The following GPC6 variants were observed in gnomAD, a reference collection of about 807,000 sequenced individuals.
GPC6 encodes the protein glypican-6.
In GPC6, 14 loss-of-function variants were observed where a neutral mutation model predicts 55.2. The ratio of observed to expected loss-of-function variants is 0.25; its 90% CI spans 0.17 to 0.40. The LOEUF is 0.40. Among genes scored for constraint, GPC6 ranks in the 10% least tolerant of loss-of-function variants. The pLI is 1.00. For synonymous variants in GPC6, 278 were observed against 259.6 expected (o/e 1.07, Z -0.68); for missense variants, 641 against 708.5 (o/e 0.90, Z 1.08).
intron 2 of GPC6, among the ~76,000 whole-genome samples, chr13:93,827,017 T>C (rs2138975142): frequency 6.6e-6 from 1 of 152,342 alleles, no homozygotes; most frequent in Non-Finnish European, 1.5e-5. Context: ...GAAAGGTTTT[T>C]TGTGCACCTA....
chr13:93,218,081 T>G, the GPC6 span, among the ~76,000 whole-genome samples: 1 of 150,298 alleles, frequency 6.7e-6, no homozygotes, highest in Admixed American at 6.6e-5. Flanking sequence ...AACAGATCAT[T>G]AGTACATGGA....
chr13:93,835,245 A>G (rs1002575030), intron 3 of GPC6, among the ~76,000 whole-genome samples: 1 of 151,318 alleles, frequency 6.6e-6, no homozygotes, highest in African/African-American at 2.4e-5. Flanking sequence ...CTTGAGCTCA[A>G]GAGTTCAAGA....
chr13:93,561,426 T>TATATATATATATATATATA (rs61094312), intron 2 of GPC6, among the ~76,000 whole-genome samples: 43 of 143,404 alleles, frequency 3.0e-4, no homozygotes, highest in South Asian at 8.5e-4. Flanking sequence ...TATATATATA[T>TATATATATATATATATATA]TTGTTGCAGT....
At chr13:94,382,908 G>A (rs1040636140) in intron 7 of GPC6, among the ~76,000 whole-genome samples, 1 of 152,104 alleles carries the variant, frequency 6.6e-6, no homozygotes, top group East Asian at 1.9e-4. Flanking sequence ...AATTTCCAGG[G>A]CTCTTTTTTT....
chr13:93,415,612 T>C (rs1876669346), intron 1 of GPC6, among the ~76,000 whole-genome samples: 1 of 152,146 alleles, frequency 6.6e-6, no homozygotes, highest in Non-Finnish European at 1.5e-5. Context: ...CAGACTGCCT[T>C]CGAGAATACC....
chr13:93,953,543 C>CT (rs1879361572), intron 3 of GPC6, among the ~76,000 whole-genome samples: 1 of 152,158 alleles, frequency 6.6e-6, no homozygotes, highest in African/African-American at 2.4e-5. Flanking sequence ...ATTCTAGCAA[C>CT]TTTCTTTTTA....
rs1269059627 is a variant in GPC6 at position 94,403,848 on chromosome 13, T to C, written c.*631T>C. 6.3e-6 allele frequency: 1 copy of C among 158,844 alleles called. No homozygotes were observed. The highest frequency in any genetic ancestry group is 1.4e-5 in the Non-Finnish European group (1 of 71,770). The allele number at this position is 158,844 out of a possible 1,614,324, so 9.8% of individuals were successfully genotyped here. A position where few individuals can be genotyped will look rare whatever the true frequency, so the allele number is the denominator to read the frequency against. The stretch of plus-strand genomic sequence containing the variant: ...AAACAACACCAAATTAATCTGGAGG[T>C]ACTGATACTAAATTTGGAATCCCGT... On this transcript the variant is annotated 3_prime_UTR_variant, in exon 9 of 9. Transcript: ENST00000377047.
intron 3 of GPC6, among the ~76,000 whole-genome samples, chr13:93,952,924 T>C (rs1879335142): frequency 6.7e-6 from 1 of 149,748 alleles, no homozygotes; most frequent in Non-Finnish European, 1.5e-5. Flanking sequence ...TATATACACG[T>C]ATATATATAG....
At chr13:93,438,730 A>G (rs1219100489) in intron 1 of GPC6, among the ~76,000 whole-genome samples, 2 of 152,212 alleles carry the variant, frequency 1.3e-5, no homozygotes, top group African/African-American at 4.8e-5. Flanking sequence ...AAGATATACA[A>G]TATTACATAA....
rs1249964498 is a variant in GPC6 at position 93,683,665 on chromosome 13, C to T, written c.319+138244C>T. Among the ~76,000 whole-genome samples the T allele has an allele frequency of 2.0e-5, 3 of 152,228 alleles. No individual in the cohort carries two copies. In the East Asian group the frequency reaches 5.8e-4, roughly 29 times the overall value. The stretch of plus-strand genomic sequence containing the variant: ...TTTACATATATGTGTGTTTTATTTA[C>T]TCAGTTAAGCTGTATGCTCCTTTCA... On this transcript the variant is annotated intron_variant, in intron 2 of 8. Coordinates refer to ENST00000377047, the MANE Select transcript of GPC6 (RefSeq NM_005708.5).
intron 2 of GPC6, among the ~76,000 whole-genome samples, chr13:93,740,636 C>A (rs1884168790): frequency 6.6e-6 from 1 of 152,188 alleles, no homozygotes; most frequent in South Asian, 2.1e-4. Flanking sequence ...GAGATAAAAT[C>A]TCCTGATCAT....
chr13:94,072,652 G>A (rs1488144419), intron 4 of GPC6, among the ~76,000 whole-genome samples: 2 of 152,110 alleles, frequency 1.3e-5, no homozygotes, highest in African/African-American at 4.8e-5. Context: ...ACACCCGGCC[G>A]CCCCTTGTAT....
rs537896717 is a variant in GPC6 at position 94,034,419 on chromosome 13, G to A, written c.877+6525G>A. On this transcript the variant is annotated intron_variant, in intron 4 of 8. Transcript: ENST00000377047. ...TTAAGGTTGGTGGCATAATGTGTGG[G>A]TATTCAGCAGATATAGAGACAGGCA... Among the ~76,000 whole-genome samples, 23 of 152,236 alleles carry A rather than the reference G, an allele frequency of 1.5e-4. No individual in the cohort carries two copies. The South Asian group carries it at 3.9e-3, about 26-fold the overall frequency.
intron 4 of GPC6, among the ~76,000 whole-genome samples, chr13:94,264,226 A>G (rs1265482192): frequency 6.6e-6 from 1 of 152,192 alleles, no homozygotes; most frequent in African/African-American, 2.4e-5. Flanking sequence ...ATTGCATTCT[A>G]TGTTTGGCTA....
At chr13:94,222,047 G>T (rs540899574) in intron 4 of GPC6, among the ~76,000 whole-genome samples, 1 of 151,278 alleles carries the variant, frequency 6.6e-6, no homozygotes, top group Non-Finnish European at 1.5e-5. Flanking sequence ...TTTTCTGCCC[G>T]ATTCTAGTGG....
At chr13:93,382,890 G>A (rs182508624) in intron 1 of GPC6, among the ~76,000 whole-genome samples, 1 of 151,928 alleles carries the variant, frequency 6.6e-6, no homozygotes. Context: ...TTGTCCTTTG[G>A]CGGTTTCTCT....
chr13:93,812,003 G>A (rs1321465573), intron 2 of GPC6, among the ~76,000 whole-genome samples: 1 of 152,084 alleles, frequency 6.6e-6, no homozygotes, highest in Non-Finnish European at 1.5e-5. Context: ...TGATTACTGA[G>A]AAGGGAAAGC....
At chr13:93,887,240 A>C (rs1875394969) in intron 3 of GPC6, among the ~76,000 whole-genome samples, 1 of 152,124 alleles carries the variant, frequency 6.6e-6, no homozygotes, top group Non-Finnish European at 1.5e-5. Context: ...AAATGAGAAG[A>C]GGAGACTACC....
At chr13:94,343,581 T>C (rs1405876285) in intron 6 of GPC6, among the ~76,000 whole-genome samples, 1 of 151,958 alleles carries the variant, frequency 6.6e-6, no homozygotes, top group East Asian at 1.9e-4. Flanking sequence ...ATAGGGAAAA[T>C]AGAAAATTAA....
Sources: gnomAD v4.1 joint callset for allele counts (sites outside exome capture counted in the v4.1 genomes callset) on GRCh38, gnomAD v4.1.1 for gene constraint, MANE v1.5 for transcripts, NCBI Gene and HGNC (gene_info 2026-07-23, HGNC 2026-07-21) for gene names.